SNTG1: variants seen among roughly 807,000 people sequenced by gnomAD.
SNTG1 encodes syntrophin gamma 1.
SNTG1 carries 39 observed loss-of-function variants against 74.7 expected under a neutral mutation model. The observed-to-expected ratio is 0.52, with a 90% CI of 0.40 to 0.68. The LOEUF (loss-of-function observed/expected upper bound fraction) is 0.68, where lower values mean the gene tolerates loss of function less well. SNTG1 is among the 30% of genes least tolerant of loss of function. SNTG1 has a pLI of 0.00. For synonymous variants in SNTG1, 254 were observed against 217.1 expected, an observed-to-expected ratio of 1.17 and a Z score of -1.49; for missense variants, 685 against 609.5, an observed-to-expected ratio of 1.12 and a Z score of -1.30.
chr8:49,958,941 T>G (rs1810433665), intron 1 of SNTG1, among the ~76,000 whole-genome samples: 1 of 152,226 alleles, frequency 6.6e-6, no homozygotes, highest in Non-Finnish European at 1.5e-5. Context: ...TAAAGTATCT[T>G]GTGTTTGAAA....
intron 2 of SNTG1, among the ~76,000 whole-genome samples, chr8:50,189,628 C>A (rs193082723): frequency 3.3e-5 from 5 of 152,244 alleles, no homozygotes; most frequent in Admixed American, 6.6e-5. Flanking sequence ...GGAAAGTTAA[C>A]AACATTCAAA....
chr8:50,486,132 G>A (rs1230748498), intron 8 of SNTG1, among the ~76,000 whole-genome samples: 66 of 152,292 alleles, frequency 4.3e-4, no homozygotes, highest in Non-Finnish European at 1.5e-4. Context: ...GGCGATGCAG[G>A]CTCTTTTTTG....
intron 9 of SNTG1, among the ~76,000 whole-genome samples, chr8:50,518,050 T>C (rs1211603207): frequency 3.3e-5 from 5 of 152,106 alleles, no homozygotes. Context: ...GACCACACAA[T>C]TGGAAGTAAA....
At chr8:50,211,705 C>A (rs1167637308) in intron 2 of SNTG1, among the ~76,000 whole-genome samples, 1 of 152,026 alleles carries the variant, frequency 6.6e-6, no homozygotes, top group Non-Finnish European at 1.5e-5. Context: ...AGAGAGATAT[C>A]AAACATTTTT....
chr8:50,572,727 G>A (rs572452138), intron 12 of SNTG1, among the ~76,000 whole-genome samples: 1 of 152,236 alleles, frequency 6.6e-6, no homozygotes, highest in East Asian at 1.9e-4. Context: ...TCAACAGTTA[G>A]AGGTGATATA....
At chr8:50,753,782 T>C (rs866229251) in intron 18 of SNTG1, among the ~76,000 whole-genome samples, 36 of 151,552 alleles carry the variant, frequency 2.4e-4, no homozygotes, top group South Asian at 4.1e-4. Flanking sequence ...TAGGAAGTAA[T>C]TATGGAATAG....
intron 15 of SNTG1, among the ~76,000 whole-genome samples, chr8:50,662,078 G>C (rs2095226854): frequency 6.6e-6 from 1 of 152,156 alleles, no homozygotes; most frequent in South Asian, 2.1e-4. Context: ...CAGTCAGATA[G>C]GTGGGGCAGG....
intron 1 of SNTG1, among the ~76,000 whole-genome samples, chr8:49,917,705 T>C (rs919785323): frequency 2.0e-5 from 3 of 152,206 alleles, no homozygotes; most frequent in African/African-American, 7.2e-5. Context: ...ATAGTTCTTT[T>C]GTTAATGCTT....
At chr8:50,248,151 A>G (rs1034922228) in intron 2 of SNTG1, among the ~76,000 whole-genome samples, 2 of 152,106 alleles carry the variant, frequency 1.3e-5, no homozygotes, top group Non-Finnish European at 2.9e-5. Flanking sequence ...AGTTCTGCAA[A>G]CACCTTATCT....
At chr8:50,575,346 G>T (rs1243059097) in intron 12 of SNTG1, among the ~76,000 whole-genome samples, 2 of 152,134 alleles carry the variant, frequency 1.3e-5, no homozygotes, top group Admixed American at 1.3e-4. Flanking sequence ...TCCATTGCAA[G>T]GCCAAACACA....
chr8:50,482,100 A>G (rs1012021442), intron 8 of SNTG1, among the ~76,000 whole-genome samples: 2 of 152,206 alleles, frequency 1.3e-5, no homozygotes, highest in Non-Finnish European at 2.9e-5. Flanking sequence ...CAATCTGTCA[A>G]GATGTGTCTG....
intron 1 of SNTG1, among the ~76,000 whole-genome samples, chr8:49,941,213 A>ATATAACAACTC (rs1808655688): frequency 6.6e-6 from 1 of 151,980 alleles, no homozygotes; most frequent in South Asian, 2.1e-4. Context: ...AAAAATATGA[A>ATATAACAACTC]TATAACAACT....
chr8:50,064,638 C>G (rs924269685), intron 1 of SNTG1, among the ~76,000 whole-genome samples: 1 of 152,210 alleles, frequency 6.6e-6, no homozygotes, highest in Non-Finnish European at 1.5e-5. Flanking sequence ...GCCTACACCT[C>G]CAACCTCATT....
intron 1 of SNTG1, among the ~76,000 whole-genome samples, chr8:50,014,627 G>T (rs1006043847): frequency 1.3e-5 from 2 of 152,142 alleles, no homozygotes; most frequent in African/African-American, 4.8e-5. Flanking sequence ...GCTGCCTGAA[G>T]TTGGAAGACA....
chr8:50,165,839 C>A (rs1305869593), intron 1 of SNTG1, among the ~76,000 whole-genome samples: 1 of 152,126 alleles, frequency 6.6e-6, no homozygotes, highest in Non-Finnish European at 1.5e-5. Flanking sequence ...TCCAATTATG[C>A]TGGAGGCATC....
intron 9 of SNTG1, among the ~76,000 whole-genome samples, chr8:50,507,662 G>C (rs568233492): frequency 8.2e-4 from 125 of 151,894 alleles, no homozygotes; most frequent in Admixed American, 2.0e-3. Context: ...TGTGGCATCA[G>C]TTGTAATGTC....
intron 18 of SNTG1, among the ~76,000 whole-genome samples, chr8:50,780,383 C>T (rs557658707): frequency 6.6e-6 from 1 of 152,256 alleles, no homozygotes; most frequent in Non-Finnish European, 1.5e-5. Flanking sequence ...ATTTCAGAGC[C>T]TATTACTGGT....
intron 4 of SNTG1, among the ~76,000 whole-genome samples, chr8:50,410,677 C>T (rs974404824): frequency 2.0e-5 from 3 of 152,132 alleles, no homozygotes; most frequent in Non-Finnish European, 4.4e-5. Flanking sequence ...TTCTTCCATT[C>T]CTCAGCCCCT....
intron 2 of SNTG1, among the ~76,000 whole-genome samples, chr8:50,267,201 G>A (rs2087526458): frequency 6.6e-6 from 1 of 151,848 alleles, no homozygotes; most frequent in Non-Finnish European, 1.5e-5. Context: ...ATGTATGAAG[G>A]TTTTTTTAGG....
Sources: gnomAD v4.1 joint callset for allele counts (sites outside exome capture counted in the v4.1 genomes callset) on GRCh38, gnomAD v4.1.1 for gene constraint, MANE v1.5 for transcripts, NCBI Gene and HGNC (gene_info 2026-07-23, HGNC 2026-07-21) for gene names.